The following RP1 variants were observed in gnomAD, a reference collection of about 807,000 sequenced individuals.
The protein encoded by RP1 is oxygen-regulated protein 1.
In RP1, 16 loss-of-function variants were observed where a neutral mutation model predicts 14.8. The ratio of observed to expected loss-of-function variants is 1.08; its 90% CI spans 0.73 to 1.65. The LOEUF (loss-of-function observed/expected upper bound fraction) is 1.65. Ranked by LOEUF, RP1 falls within the 40% of genes most tolerant of loss-of-function variation. The pLI is 0.00. For missense variants in RP1, 2,631 were observed against 2,535.0 expected, an observed-to-expected ratio of 1.04 and a Z score of -0.81; for synonymous variants, 876 against 883.6, an observed-to-expected ratio of 0.99 and a Z score of 0.15.
chr8:54,628,083 C>A lies in RP1; in HGVS notation c.4201C>A (p.Leu1401Ile). The change falls in exon 4 of 4, where the codon CTT becomes ATT. Residue 1401 changes from leucine to isoleucine, a missense_variant. Physicochemically the swap from Leu to Ile is conservative, Grantham distance 5. Transcript: ENST00000220676. ...QNVSNLSSCGLCLSEKEAELD... is the reference protein window; with the variant it reads ...QNVSNLSSCGICLSEKEAELD... ...TGTCAGTAATTTAAGCTCCTGTGGC[C>A]TTTGCCTAAGTGAAAAAGAAGCAGA... is the stretch of plus-strand genomic sequence containing the variant. 6.2e-7 allele frequency: 1 copy of A among 1,613,986 alleles called. No homozygotes were observed. Among genetic ancestry groups the A allele is most frequent in the Non-Finnish European group, 8.5e-7 (1 of 1,179,932 alleles).
At chr8:54,647,184 G>A (rs1806568492) in intron 3 of RP1, among the ~76,000 whole-genome samples, 1 of 152,100 alleles carries the variant, frequency 6.6e-6, no homozygotes, top group Non-Finnish European at 1.5e-5. Context: ...GAGGGGCCAA[G>A]GTGGGTGGAT....
intron 1 of RP1, among the ~76,000 whole-genome samples, chr8:54,583,439 A>C (rs531282241): frequency 3.9e-5 from 6 of 152,342 alleles, no homozygotes; most frequent in African/African-American, 1.4e-4. Context: ...GATGTTCATC[A>C]GGAATATTGG....
chr8:54,733,682 C>G (rs1042173636), intron 17 of RP1, among the ~76,000 whole-genome samples: 3 of 152,090 alleles, frequency 2.0e-5, no homozygotes, highest in Non-Finnish European at 4.4e-5. Flanking sequence ...GAACTTTTGC[C>G]TCATCATCTT....
At position 54,627,073 on chromosome 8, in the gene RP1, G is replaced by T; in HGVS notation, c.3191G>T (p.Ser1064Ile). 1.2e-6 allele frequency: 2 copies of T among 1,614,032 alleles called. No homozygotes were observed. The highest frequency in any genetic ancestry group is 1.7e-6 in the Non-Finnish European group (2 of 1,179,972). ...ATAAACCTAGCTAGAAAAAGGCAAA[G>T]TGTAGAGGCTGCCATTCAAGTAGAT... The part of the protein sequence containing the change: ...QEINLARKRQ[S>I]VEAAIQVDPI... The change falls in exon 4 of 4, where the codon AGT (serine) becomes ATT (isoleucine). Residue 1064 changes from serine to isoleucine, a missense_variant. Coordinates refer to ENST00000220676, the MANE Select transcript of RP1 (RefSeq NM_006269.2).
chr8:54,788,321 A>T (rs1256232051), intron 24 of RP1, among the ~76,000 whole-genome samples: 1 of 152,102 alleles, frequency 6.6e-6, no homozygotes, highest in East Asian at 1.9e-4. Flanking sequence ...AATGTTTAAA[A>T]GTTAGATGTC....
upstream of RP1, among the ~76,000 whole-genome samples, chr8:54,612,338 G>T (rs1026678300): frequency 6.6e-6 from 1 of 152,182 alleles, no homozygotes; most frequent in Admixed American, 6.5e-5. Context: ...AATGCAGGCT[G>T]CTGTCCCCAC....
intron 24 of RP1, among the ~76,000 whole-genome samples, chr8:54,828,748 C>A (rs1269094252): frequency 2.0e-5 from 3 of 152,078 alleles, no homozygotes; most frequent in Non-Finnish European, 4.4e-5. Context: ...TTGTTTACAC[C>A]AACATCACCA....
chr8:54,603,570 T>G (rs1417866328), intron 1 of RP1, among the ~76,000 whole-genome samples: 2 of 133,674 alleles, frequency 1.5e-5, no homozygotes, highest in Non-Finnish European at 3.5e-5. Context: ...TCCAATTCTG[T>G]GAAGAAAGTC....
chr8:54,768,823 G>A (rs1809829969), intron 22 of RP1, among the ~76,000 whole-genome samples: 1 of 152,104 alleles, frequency 6.6e-6, no homozygotes, highest in Non-Finnish European at 1.5e-5. Flanking sequence ...GAAGCTCCAG[G>A]AGGATCAGCT....
intron 15 of RP1, among the ~76,000 whole-genome samples, chr8:54,708,581 G>A (rs950443275): frequency 2.6e-5 from 4 of 151,958 alleles, no homozygotes; most frequent in African/African-American, 9.7e-5. Context: ...GGATGGTCTC[G>A]ATCTTCTGAC....
chr8:54,704,324 T>C (rs562242265), intron 14 of RP1, among the ~76,000 whole-genome samples: 1 of 152,278 alleles, frequency 6.6e-6, no homozygotes, highest in East Asian at 1.9e-4. Flanking sequence ...TCTGAGGGAA[T>C]AGAGAGGCGA....
At chr8:54,839,736 C>G (rs1460019702) in intron 25 of RP1, among the ~76,000 whole-genome samples, 1 of 152,200 alleles carries the variant, frequency 6.6e-6, no homozygotes, top group African/African-American at 2.4e-5. Flanking sequence ...CTCTCAATCT[C>G]TGTTAGAATG....
At chr8:54,609,468 A>G (rs1563324759) in intron 1 of RP1, among the ~76,000 whole-genome samples, 1 of 152,130 alleles carries the variant, frequency 6.6e-6, no homozygotes, top group Non-Finnish European at 1.5e-5. Flanking sequence ...AAACCAAAAG[A>G]AAACCGAAAC....
chr8:54,694,364 C>T (rs1563349917), intron 12 of RP1, among the ~76,000 whole-genome samples: 1 of 152,098 alleles, frequency 6.6e-6, no homozygotes, highest in African/African-American at 2.4e-5. Context: ...CCCTCTTTTT[C>T]TATTGATTGG....
At chr8:54,702,147 T>C (rs1172876046) in intron 14 of RP1, among the ~76,000 whole-genome samples, 2 of 152,184 alleles carry the variant, frequency 1.3e-5, no homozygotes, top group Non-Finnish European at 2.9e-5. Context: ...TATTGAGAAT[T>C]TCACCACACG....
At chr8:54,741,194 A>G (rs1809076098) in intron 19 of RP1, among the ~76,000 whole-genome samples, 2 of 152,146 alleles carry the variant, frequency 1.3e-5, no homozygotes, top group Non-Finnish European at 2.9e-5. Context: ...AAAGAAAAAT[A>G]TTTTTTATGA....
intron 12 of RP1, among the ~76,000 whole-genome samples, chr8:54,688,292 G>T (rs1020776814): frequency 6.6e-6 from 1 of 152,088 alleles, no homozygotes; most frequent in Non-Finnish European, 1.5e-5. Flanking sequence ...AGTTACTTTT[G>T]CTGCACAGAA....
intron 19 of RP1, among the ~76,000 whole-genome samples, chr8:54,750,396 A>C (rs1809331539): frequency 6.6e-6 from 1 of 152,226 alleles, no homozygotes; most frequent in Admixed American, 6.5e-5. Context: ...TCTGGAAAGA[A>C]GTGATCTTAC....
chr8:54,803,935 G>GCA (rs1810779500), intron 24 of RP1, among the ~76,000 whole-genome samples: 1 of 152,020 alleles, frequency 6.6e-6, no homozygotes, highest in African/African-American at 2.4e-5. Flanking sequence ...GGGCCTGGTG[G>GCA]CACACACCTG....
Sources: gnomAD v4.1 joint callset for allele counts (sites outside exome capture counted in the v4.1 genomes callset) on GRCh38, gnomAD v4.1.1 for gene constraint, MANE v1.5 for transcripts, NCBI Gene and HGNC (gene_info 2026-07-23, HGNC 2026-07-21) for gene names.